Variants in ROPN1L observed in about 807,000 individuals in gnomAD.
ROPN1L encodes rhophilin associated tail protein 1 like, also known as ropporin-1-like protein.
Under a neutral mutation model 22.7 loss-of-function variants are expected in ROPN1L, and 23 were observed. The observed-to-expected ratio is 1.01, with a 90% CI of 0.73 to 1.43. The LOEUF is 1.43. ROPN1L is among the 40% of genes most tolerant of loss of function. The probability of loss-of-function intolerance (pLI) is 0.00; values close to 1 mark genes in which losing one functional copy is unlikely to be tolerated. For synonymous variants in ROPN1L, 116 were observed against 117.8 expected (o/e 0.98, Z 0.10); for missense variants, 271 against 291.5 (o/e 0.93, Z 0.51).
At chr5:10,474,407 T>C (rs2126486045), downstream of ROPN1L, among the ~76,000 whole-genome samples, 1 of 152,100 alleles carries the variant, frequency 6.6e-6, no homozygotes, top group South Asian at 2.1e-4. Context: ...TAGAGAGGGG[T>C]TCTCACACTG....
At chr5:10,481,476 T>C in the ROPN1L span, among the ~76,000 whole-genome samples, 1 of 152,218 alleles carries the variant, frequency 6.6e-6, no homozygotes, top group Non-Finnish European at 1.5e-5. Context: ...GTCTGGGGCA[T>C]GGGCTTGCAA....
chr5:10,468,715 A>G (rs1437357137), downstream of ROPN1L, among the ~76,000 whole-genome samples: 5 of 152,234 alleles, frequency 3.3e-5, no homozygotes, highest in Non-Finnish European at 5.9e-5. Flanking sequence ...TGCAATGAAC[A>G]TGGGAGGAGG....
intron 4 of ROPN1L, among the ~76,000 whole-genome samples, chr5:10,462,598 A>G (rs1735055247): frequency 6.6e-6 from 1 of 152,230 alleles, no homozygotes; most frequent in Non-Finnish European, 1.5e-5. Flanking sequence ...TAGCATGTTA[A>G]AAAGTGAGAT....
intron 1 of ROPN1L, 113 bp from the exon 2 acceptor site, chr5:10,448,147 T>C (rs1401708918): frequency 7.9e-7 from 1 of 1,259,516 alleles, no homozygotes. Context: ...GATGTTGGTC[T>C]TCAGAGCTGT....
chr5:10,479,502 C>G, the ROPN1L span: 2 of 152,254 alleles, frequency 1.3e-5, no homozygotes, highest in Admixed American at 1.3e-4. Flanking sequence ...CCGCACCCTC[C>G]TCTCTGGAAG....
intron 1 of ROPN1L, among the ~76,000 whole-genome samples, chr5:10,447,228 C>T (rs1741096868): frequency 6.6e-6 from 1 of 152,190 alleles, no homozygotes; most frequent in Non-Finnish European, 1.5e-5. Flanking sequence ...TTCAGCATCG[C>T]CACCTCTGGC....
At chr5:10,444,502 G>T (rs1329484747) in intron 1 of ROPN1L, among the ~76,000 whole-genome samples, 1 of 151,618 alleles carries the variant, frequency 6.6e-6, no homozygotes, top group African/African-American at 2.4e-5. Context: ...TGTTGGCCAG[G>T]CTAGTCTCGA....
At chr5:10,473,925 G>A (rs1019878466), downstream of ROPN1L, among the ~76,000 whole-genome samples, 1 of 152,140 alleles carries the variant, frequency 6.6e-6, no homozygotes, top group Non-Finnish European at 1.5e-5. Flanking sequence ...GCTGAGGCAG[G>A]TGGATCTCCT....
At chr5:10,476,344 G>A (rs754528412), downstream of ROPN1L, among the ~76,000 whole-genome samples, 5 of 152,218 alleles carry the variant, frequency 3.3e-5, no homozygotes, top group African/African-American at 9.7e-5. Context: ...TGGGAAATAC[G>A]TGCCTCATCA....
chr5:10,468,943 C>G (rs1735201065), downstream of ROPN1L, among the ~76,000 whole-genome samples: 1 of 152,148 alleles, frequency 6.6e-6, no homozygotes, highest in Non-Finnish European at 1.5e-5. Context: ...ATTACGAGGT[C>G]AGGAGATCGA....
rs117468359 is a variant in ROPN1L at position 10,458,124 on chromosome 5, C to T, written c.418-3060C>T. Among the ~76,000 whole-genome samples, 23 of 152,200 alleles carry T rather than the reference C, an allele frequency of 1.5e-4. 1 individual carries two copies. The East Asian group carries it at 4.3e-3, about 28-fold the overall frequency. ...ACTGCTGGAAACTTAGCAGTAGGCT[C>T]ATGAGCCGGCTCCAGCACAGCACCG... On this transcript the variant is annotated intron_variant, in intron 3 of 4. Transcript: ENST00000274134.
chr5:10,442,422 A>C, intron 1 of ROPN1L, 124 bp downstream of exon 1: 1 of 1,233,244 alleles, frequency 8.1e-7, no homozygotes, highest in Non-Finnish European at 1.1e-6. Context: ...ATCAGGCAAA[A>C]CTTTCCCCTT....
chr5:10,477,977 T>G, the ROPN1L span: 2 of 152,160 alleles, frequency 1.3e-5, no homozygotes, highest in African/African-American at 4.8e-5. Flanking sequence ...AAACTCTCTG[T>G]TGAAGGAAGC....
intron 4 of ROPN1L, among the ~76,000 whole-genome samples, chr5:10,462,262 G>A (rs1735047012): frequency 6.6e-6 from 1 of 152,192 alleles, no homozygotes; most frequent in Non-Finnish European, 1.5e-5. Flanking sequence ...CAGGAGCGGG[G>A]GTTGAAGACC....
chr5:10,450,119 T>C lies in ROPN1L; in HGVS notation c.417+6T>C, dbSNP rs2126439118. ...GATGCAGCATGCTTGGTGGGGTATG[T>C]ACCTATAAACAGCATATTAATAATT... On this transcript the variant is annotated splice_donor_region_variant and intron_variant, in intron 3 of 4. Transcript: ENST00000274134. 1.2e-6 allele frequency: 2 copies of C among 1,605,074 alleles called. No individual in the cohort carries two copies. Among genetic ancestry groups the C allele is most frequent in the Admixed American group, 1.7e-5 (1 of 57,730 alleles).
chr5:10,477,947 A>G, the ROPN1L span: 1 of 152,192 alleles, frequency 6.6e-6, no homozygotes, highest in Non-Finnish European at 1.5e-5. Flanking sequence ...AAAAAAAACT[A>G]TTCAAAATCC....
At chr5:10,462,876 C>T (rs778646963) in intron 4 of ROPN1L, among the ~76,000 whole-genome samples, 9 of 147,986 alleles carry the variant, frequency 6.1e-5, no homozygotes, top group Non-Finnish European at 1.0e-4. Context: ...GCAACAAGAT[C>T]GAGACTCCGT....
downstream of ROPN1L, among the ~76,000 whole-genome samples, chr5:10,476,786 A>G (rs76559711): frequency 2.7e-4 from 41 of 152,380 alleles, no homozygotes; most frequent in East Asian, 7.3e-3. Context: ...TAAAAATAAT[A>G]ATGTATCTAA....
the ROPN1L span, chr5:10,478,038 C>G: frequency 6.6e-6 from 1 of 152,336 alleles, no homozygotes; most frequent in Non-Finnish European, 1.5e-5. Flanking sequence ...CCCTTCTCAT[C>G]CCGCATTCCC....
Sources: allele counts gnomAD v4.1 joint callset (sites outside exome capture counted in the v4.1 genomes callset), GRCh38; gene constraint gnomAD v4.1.1; transcripts MANE v1.5; gene names NCBI Gene and HGNC (gene_info 2026-07-23, HGNC 2026-07-21).